Variants in CCDC158 observed in about 807,000 individuals in gnomAD.
The protein encoded by CCDC158 is coiled-coil domain containing 158.
In CCDC158, 116 loss-of-function variants were observed where a neutral mutation model predicts 138.6. That is an observed-to-expected ratio of 0.84 (90% confidence interval 0.72 to 0.98). The LOEUF (loss-of-function observed/expected upper bound fraction) is 0.98, where lower values mean the gene tolerates loss of function less well. Among genes scored for constraint, CCDC158 ranks in the 50% least tolerant of loss-of-function variants. The pLI is 0.00. For synonymous variants in CCDC158, 436 were observed against 442.4 expected (o/e 0.99, Z 0.18); for missense variants, 1,265 against 1,306.1 (o/e 0.97, Z 0.48).
At chr4:76,362,072 G>A in intron 13 of CCDC158, 54 bp downstream of exon 13, 4 of 1,478,512 alleles carry the variant, frequency 2.7e-6, no homozygotes, top group Non-Finnish European at 3.7e-6. Flanking sequence ...GTCTACATTG[G>A]CTTCACTGCT....
At position 76,397,428 on chromosome 4, in the gene CCDC158, A is replaced by T. The variant is rs548811864; in HGVS notation, c.71-942T>A. ...CAAAATGAAAATAAATTAAATACTA[A>T]CAGAAACAAGTAAACCTAAGTAAAT... On this transcript the variant is annotated intron_variant, in intron 3 of 24. Coordinates refer to ENST00000682701, the MANE Select transcript of CCDC158 (RefSeq NM_001394954.1). 2.6e-5 allele frequency among the ~76,000 whole-genome samples: 4 copies of T among 152,318 alleles called. No homozygotes were observed. The East Asian group carries it at 7.7e-4, about 29-fold the overall frequency.
chr4:76,354,682 C>T (rs1402100712), intron 15 of CCDC158, among the ~76,000 whole-genome samples: 1 of 152,142 alleles, frequency 6.6e-6, no homozygotes, highest in Non-Finnish European at 1.5e-5. Context: ...AAGAAGCATA[C>T]ATGCACACTC....
intron 24 of CCDC158, among the ~76,000 whole-genome samples, chr4:76,317,361 G>A (rs893877484): frequency 6.6e-6 from 1 of 152,060 alleles, no homozygotes; most frequent in South Asian, 2.1e-4. Flanking sequence ...CCACTTTAAA[G>A]CAACAACAGT....
chr4:76,379,726 T>C (rs1187838034), intron 8 of CCDC158, among the ~76,000 whole-genome samples: 2 of 131,630 alleles, frequency 1.5e-5, no homozygotes, highest in African/African-American at 2.9e-5. Flanking sequence ...ATTTTACTTA[T>C]ATATATTCAT....
intron 24 of CCDC158, 72 bp downstream of exon 24, chr4:76,323,230 G>T: frequency 9.2e-7 from 1 of 1,089,178 alleles, no homozygotes. Context: ...TCTATAGACA[G>T]GAGGCTTAAT....
intron 1 of CCDC158, chr4:76,414,242 AC>A (rs2109919416): frequency 6.6e-6 from 1 of 152,290 alleles, no homozygotes; most frequent in South Asian, 2.1e-4. Flanking sequence ...ATATATGTTT[AC>A]AGTCGTATTA....
At chr4:76,386,688 G>A (rs1276051236) in intron 4 of CCDC158, among the ~76,000 whole-genome samples, 1 of 134,030 alleles carries the variant, frequency 7.5e-6, no homozygotes, top group East Asian at 2.4e-4. Context: ...AAGAGGCATT[G>A]AGGAGGGCAG....
chr4:76,384,163 G>T lies in CCDC158; in HGVS notation c.651C>A (p.Ser217Arg). The part of the protein sequence containing the change: ...HDSMSTLHFR[S>R]LGSAISKILR... ...GTATTTTACTAATAGCTGAGCCCAA[G>T]CTGCGGAAGTGCAGAGTAGACATGC... Residue 217 changes from serine to arginine, a missense_variant, in exon 6 of 25, where the codon AGC becomes AGA. Coordinates refer to ENST00000682701, the MANE Select transcript of CCDC158 (RefSeq NM_001394954.1). 1.9e-6 allele frequency: 3 copies of T among 1,614,038 alleles called. No individual in the cohort carries two copies. The highest frequency in any genetic ancestry group is 2.2e-5 in the East Asian group (1 of 44,880).
chr4:76,414,530 G>T (rs1729540800), intron 1 of CCDC158, among the ~76,000 whole-genome samples: 1 of 152,210 alleles, frequency 6.6e-6, no homozygotes, highest in East Asian at 1.9e-4. Flanking sequence ...GAGAGATGGA[G>T]TTGAGACTCC....
At chr4:76,331,864 T>C (rs1404902666) in intron 20 of CCDC158, among the ~76,000 whole-genome samples, 1 of 152,208 alleles carries the variant, frequency 6.6e-6, no homozygotes, top group African/African-American at 2.4e-5. Flanking sequence ...ATAGCTATAG[T>C]GTCTTAAAGT....
chr4:76,405,196 G>A (rs568347920), intron 2 of CCDC158, among the ~76,000 whole-genome samples: 1 of 152,274 alleles, frequency 6.6e-6, no homozygotes, highest in South Asian at 2.1e-4. Context: ...ACTGGCACCA[G>A]GTTATTAAAA....
intron 2 of CCDC158, among the ~76,000 whole-genome samples, chr4:76,409,357 C>G (rs1379281843): frequency 6.6e-6 from 1 of 150,948 alleles, no homozygotes; most frequent in East Asian, 1.9e-4. Flanking sequence ...AAAAAAAACT[C>G]TGCACTTGGT....
intron 4 of CCDC158, among the ~76,000 whole-genome samples, chr4:76,390,907 A>G (rs1727250317): frequency 1.3e-5 from 2 of 152,104 alleles, no homozygotes; most frequent in African/African-American, 4.8e-5. Flanking sequence ...ATAATGATAA[A>G]TGGGTCAATT....
intron 8 of CCDC158, among the ~76,000 whole-genome samples, chr4:76,381,988 G>A (rs1246733101): frequency 6.6e-6 from 1 of 152,162 alleles, no homozygotes; most frequent in East Asian, 1.9e-4. Flanking sequence ...GCCAATAATT[G>A]TATTTTAAAA....
chr4:76,316,900 CAAAAAAAAAAA>C (rs77150446), intron 24 of CCDC158, among the ~76,000 whole-genome samples: 2 of 62,646 alleles, frequency 3.2e-5, no homozygotes, highest in African/African-American at 1.2e-4. Flanking sequence ...CTTTTGCAGA[CAAAAAAAAAAA>C]AAAAAAAAAA....
chr4:76,392,625 G>A (rs1338940767), intron 4 of CCDC158, among the ~76,000 whole-genome samples: 2 of 151,936 alleles, frequency 1.3e-5, no homozygotes, highest in Non-Finnish European at 2.9e-5. Flanking sequence ...CATAGTACTG[G>A]AAGTCCTAGC....
At chr4:76,330,867 C>G (rs923653131) in intron 21 of CCDC158, among the ~76,000 whole-genome samples, 1 of 152,156 alleles carries the variant, frequency 6.6e-6, no homozygotes, top group East Asian at 1.9e-4. Context: ...CAAGGGACAA[C>G]TGTGTTTAGA....
chr4:76,386,815 C>T (rs946992925), intron 4 of CCDC158, among the ~76,000 whole-genome samples: 1 of 152,182 alleles, frequency 6.6e-6, no homozygotes, highest in African/African-American at 2.4e-5. Context: ...ATATTTAACT[C>T]AGTGCTGCCC....
At chr4:76,336,200 A>AC (rs1721485806) in intron 18 of CCDC158, among the ~76,000 whole-genome samples, 2 of 150,730 alleles carry the variant, frequency 1.3e-5, no homozygotes, top group Non-Finnish European at 3.0e-5. Context: ...AAAAAAAAAA[A>AC]AAAAAAAAAC....
Sources: gnomAD v4.1 joint callset for allele counts (sites outside exome capture counted in the v4.1 genomes callset) on GRCh38, gnomAD v4.1.1 for gene constraint, MANE v1.5 for transcripts, NCBI Gene and HGNC (gene_info 2026-07-23, HGNC 2026-07-21) for gene names.